The following ANTXR2 variants were observed in gnomAD, a reference collection of about 807,000 sequenced individuals.
ANTXR2 encodes the protein ANTXR cell adhesion molecule 2.
Under a neutral mutation model 73.7 loss-of-function variants are expected in ANTXR2, and 44 were observed. The observed-to-expected ratio is 0.60, with a 90% CI of 0.47 to 0.77. The LOEUF is 0.77. Among genes scored for constraint, ANTXR2 ranks in the 30% least tolerant of loss-of-function variants. ANTXR2 has a pLI of 0.00. For synonymous variants in ANTXR2, 217 were observed against 205.9 expected, an observed-to-expected ratio of 1.05 and a Z score of -0.46; for missense variants, 604 against 592.5, an observed-to-expected ratio of 1.02 and a Z score of -0.20.
chr4:80,008,622 G>A lies in ANTXR2; in HGVS notation c.946-6C>T. On this transcript the variant is annotated splice_region_variant and splice_polypyrimidine_tract_variant and intron_variant, in intron 11 of 16. Coordinates refer to ENST00000403729, the MANE Select transcript of ANTXR2 (RefSeq NM_058172.6). ...ATGGCTGCGATCCCGTTAGACTAAAGTAGGCAAAAAGCAAAAACAAAGCAG... is the reference window on the plus strand; with the variant it reads ...ATGGCTGCGATCCCGTTAGACTAAAATAGGCAAAAAGCAAAAACAAAGCAG... 6.3e-7 allele frequency: 1 copy of A among 1,582,778 alleles called. No individual in the cohort carries two copies. Among genetic ancestry groups the A allele is most frequent in the Non-Finnish European group, 8.6e-7 (1 of 1,167,952 alleles).
In ANTXR2 at chr4:79,906,940, T is replaced by C. The variant is rs1005049416; in HGVS notation, c.*489A>G. 4 of 179,330 alleles carry C rather than the reference T, an allele frequency of 2.2e-5. No individual in the cohort carries two copies. Among genetic ancestry groups the C allele is most frequent in the African/African-American group, 7.2e-5 (3 of 41,602 alleles). The allele number at this position is 179,330 out of a possible 1,614,324, so 11.1% of individuals were successfully genotyped here. A position where few individuals can be genotyped will look rare whatever the true frequency, so the allele number is the denominator to read the frequency against. ...TGACATAGCTATAAGGCAATGGACT[T>C]CTTTATTTGCTTAGCCTGGTGGGAA... On this transcript the variant is annotated 3_prime_UTR_variant, in exon 17 of 17. Transcript: ENST00000403729.
chr4:80,024,718 G>C, intron 10 of ANTXR2: 1 of 452,774 alleles, frequency 2.2e-6, no homozygotes, highest in South Asian at 1.6e-5. Flanking sequence ...GTCAGATCAT[G>C]CCACTTCACT....
chr4:79,987,114 T>C (rs7686031), intron 12 of ANTXR2, among the ~76,000 whole-genome samples: 115,096 of 151,956 alleles, frequency 0.76, 43,858 homozygotes, highest in East Asian at 0.95. Context: ...CCACAAACTA[T>C]CTCAATAACT....
chr4:80,064,479 T>C (rs1274668041), intron 3 of ANTXR2, among the ~76,000 whole-genome samples: 1 of 152,112 alleles, frequency 6.6e-6, no homozygotes, highest in Non-Finnish European at 1.5e-5. Context: ...TTGGGATACA[T>C]GGGGGAGCAA....
intron 10 of ANTXR2, chr4:80,024,718 G>T: frequency 2.2e-6 from 1 of 452,774 alleles, no homozygotes; most frequent in Non-Finnish European, 4.4e-6. Flanking sequence ...GTCAGATCAT[G>T]CCACTTCACT....
intron 10 of ANTXR2, among the ~76,000 whole-genome samples, chr4:80,025,173 C>T (rs2110075570): frequency 6.6e-6 from 1 of 152,274 alleles, no homozygotes; most frequent in South Asian, 2.1e-4. Flanking sequence ...ATAGTAAAGT[C>T]ATTCCACATG....
intron 12 of ANTXR2, among the ~76,000 whole-genome samples, chr4:80,001,368 C>A (rs1731026874): frequency 1.4e-5 from 2 of 144,704 alleles, no homozygotes; most frequent in Non-Finnish European, 3.0e-5. Context: ...TTCCTGTGTC[C>A]ATGTGATCTC....
chr4:80,032,339 A>T (rs1047290544), intron 9 of ANTXR2, among the ~76,000 whole-genome samples: 1 of 151,882 alleles, frequency 6.6e-6, no homozygotes, highest in African/African-American at 2.4e-5. Flanking sequence ...TTTATAATGA[A>T]CTCAAATATG....
rs114570905 is a variant in ANTXR2 at position 79,910,882 on chromosome 4, T to C, written c.1429-3415A>G. On this transcript the variant is annotated intron_variant, in intron 16 of 16. Coordinates refer to ENST00000403729, the MANE Select transcript of ANTXR2 (RefSeq NM_058172.6). ...AGAAGAATCAAGAAAAATGGAAACTTTTGGCTAAAGGGAAATATTTTATTC... is the reference window on the plus strand; with the variant it reads ...AGAAGAATCAAGAAAAATGGAAACTCTTGGCTAAAGGGAAATATTTTATTC... Among the ~76,000 whole-genome samples, 635 of 152,148 alleles carry C rather than the reference T, an allele frequency of 4.2e-3. 6 individuals carry two copies. The highest frequency in any genetic ancestry group is 0.015 in the African/African-American group (608 of 41,504).
chr4:80,024,355 C>A (rs1212427198), intron 10 of ANTXR2, among the ~76,000 whole-genome samples: 2 of 152,136 alleles, frequency 1.3e-5, no homozygotes, highest in African/African-American at 4.8e-5. Flanking sequence ...ATTTGGACAG[C>A]AGACTTAAAG....
rs190231643 is a variant in ANTXR2 at position 80,013,101 on chromosome 4, A to G, written c.946-4485T>C. Among the ~76,000 whole-genome samples the G allele has an allele frequency of 4.1e-4, 63 of 152,320 alleles. 2 individuals are homozygous for G. The highest frequency in any genetic ancestry group is 3.7e-3 in the Admixed American group (56 of 15,304). On this transcript the variant is annotated intron_variant, in intron 11 of 16. Transcript: ENST00000403729. Reference sequence around the variant, plus strand: ...CAGTGATTCCAAGAGAAAAAAAAGGACATCTTTCCATTATGTTTTTAAAAG... The same window carrying G: ...CAGTGATTCCAAGAGAAAAAAAAGGGCATCTTTCCATTATGTTTTTAAAAG...
In ANTXR2 at chr4:79,907,325, C is replaced by T. The variant is rs1726954228; in HGVS notation, c.*104G>A. 4 of 1,269,956 alleles carry T rather than the reference C, an allele frequency of 3.1e-6. No individual in the cohort carries two copies. Among genetic ancestry groups the T allele is most frequent in the Middle Eastern group, 1.8e-4 (1 of 5,414 alleles). 78.7% of individuals were successfully genotyped at this position (1,269,956 alleles called of 1,614,324 possible). On this transcript the variant is annotated 3_prime_UTR_variant, in exon 17 of 17. Coordinates refer to ENST00000403729, the MANE Select transcript of ANTXR2 (RefSeq NM_058172.6). ...CCCGACTGAGAGGAATTAAGCTGCT[C>T]TTCCAAAAGCTTCTGAAATGCACTT... is the stretch of plus-strand genomic sequence containing the variant.
intron 10 of ANTXR2, among the ~76,000 whole-genome samples, chr4:80,030,427 A>G (rs1033539016): frequency 6.6e-6 from 1 of 152,090 alleles, no homozygotes; most frequent in African/African-American, 2.4e-5. Flanking sequence ...CTTGAGTCCT[A>G]CGGTGTGCTT....
At chr4:80,033,711 T>C (rs1732813972) in intron 8 of ANTXR2, 141 bp from the exon 9 acceptor site, 1 of 629,206 alleles carries the variant, frequency 1.6e-6, no homozygotes, top group Non-Finnish European at 2.7e-6. Flanking sequence ...AAGACATAGC[T>C]CTATATTTCC....
intron 12 of ANTXR2, among the ~76,000 whole-genome samples, chr4:80,001,730 C>T (rs1427626396): frequency 2.6e-5 from 4 of 151,194 alleles, no homozygotes; most frequent in African/African-American, 7.3e-5. Context: ...AATCTGGGTG[C>T]TCCTGTATTG....
intron 12 of ANTXR2, among the ~76,000 whole-genome samples, chr4:79,986,779 A>C (rs4690131): frequency 0.099 from 15,032 of 152,172 alleles, 1,868 homozygotes; most frequent in East Asian, 0.65. Context: ...GGAACACCCC[A>C]GTCCTTCCAG....
At chr4:79,944,632 AG>A (rs755132560) in intron 16 of ANTXR2, among the ~76,000 whole-genome samples, 4 of 152,178 alleles carry the variant, frequency 2.6e-5, no homozygotes, top group Non-Finnish European at 5.9e-5. Flanking sequence ...ACAATATAAA[AG>A]TAAGCCATTG....
chr4:79,914,851 A>C (rs888166263), intron 16 of ANTXR2, among the ~76,000 whole-genome samples: 6 of 152,188 alleles, frequency 3.9e-5, no homozygotes, highest in African/African-American at 1.4e-4. Context: ...AATTCTTTAC[A>C]AATTGGAATG....
intron 11 of ANTXR2, among the ~76,000 whole-genome samples, chr4:80,015,992 G>T (rs1050448113): frequency 1.2e-4 from 18 of 148,432 alleles, no homozygotes; most frequent in Non-Finnish European, 7.4e-5. Flanking sequence ...GGAAAGGAAA[G>T]GAAAGGAAAG....
Sources: allele counts gnomAD v4.1 joint callset (sites outside exome capture counted in the v4.1 genomes callset), GRCh38; gene constraint gnomAD v4.1.1; transcripts MANE v1.5; gene names NCBI Gene and HGNC (gene_info 2026-07-23, HGNC 2026-07-21).